NDST4: variants seen among roughly 807,000 people sequenced by gnomAD.
NDST4 encodes the protein N-heparan sulfate sulfotransferase 4.
A neutral mutation model predicts 100.8 loss-of-function variants in NDST4; 63 were observed. The observed-to-expected ratio is 0.62, with a 90% CI of 0.51 to 0.77. NDST4 has a LOEUF of 0.77. Among genes scored for constraint, NDST4 ranks in the 30% least tolerant of loss-of-function variants. The probability of loss-of-function intolerance (pLI) is 0.00; values close to 1 mark genes in which losing one functional copy is unlikely to be tolerated. For missense variants in NDST4, 943 were observed against 1,018.4 expected (o/e 0.93, Z 1.01); for synonymous variants, 377 against 361.8 (o/e 1.04, Z -0.48).
rs186255494 is a variant in NDST4 at position 114,854,395 on chromosome 4, G to A, written c.1720-1574C>T. Reference sequence around the variant, plus strand: ...TTCTCTGTTGATGGATACTTAAGTTGCTTCCAAATCTTGGCTATTGTGAAT... The same window carrying A: ...TTCTCTGTTGATGGATACTTAAGTTACTTCCAAATCTTGGCTATTGTGAAT... On this transcript the variant is annotated intron_variant, in intron 7 of 13. Coordinates refer to ENST00000264363, the MANE Select transcript of NDST4 (RefSeq NM_022569.3). Among the ~76,000 whole-genome samples, 446 of 152,260 alleles carry A rather than the reference G, an allele frequency of 2.9e-3. 3 individuals carry two copies. Among genetic ancestry groups the A allele is most frequent in the Non-Finnish European group, 5.3e-3 (362 of 68,026 alleles).
chr4:114,941,325 T>C (rs914051408), intron 4 of NDST4, among the ~76,000 whole-genome samples: 1 of 152,144 alleles, frequency 6.6e-6, no homozygotes, highest in Non-Finnish European at 1.5e-5. Flanking sequence ...AAGTTGCTTC[T>C]ACTGTGACCC....
chr4:114,919,411 T>A (rs1338437788), intron 6 of NDST4, among the ~76,000 whole-genome samples: 1 of 152,200 alleles, frequency 6.6e-6, no homozygotes, highest in African/African-American at 2.4e-5. Context: ...TCTGAGGAGA[T>A]AACTTTTGAC....
chr4:114,990,095 A>C (rs1727004468), intron 2 of NDST4, among the ~76,000 whole-genome samples: 1 of 152,120 alleles, frequency 6.6e-6, no homozygotes, highest in South Asian at 2.1e-4. Flanking sequence ...TTTTGTTCCA[A>C]TATTTTGAAG....
chr4:114,962,284 A>G (rs1240196610), intron 4 of NDST4, among the ~76,000 whole-genome samples: 3 of 151,078 alleles, frequency 2.0e-5, no homozygotes, highest in African/African-American at 7.3e-5. Context: ...TCTATTCAAC[A>G]TTGTACTGAA....
At chr4:114,925,388 C>T (rs996288851) in intron 6 of NDST4, among the ~76,000 whole-genome samples, 1 of 152,102 alleles carries the variant, frequency 6.6e-6, no homozygotes, top group Non-Finnish European at 1.5e-5. Flanking sequence ...AACAGAATTT[C>T]TCGAAGTTTG....
At chr4:115,105,194 A>C (rs886191101) in intron 1 of NDST4, among the ~76,000 whole-genome samples, 9 of 152,154 alleles carry the variant, frequency 5.9e-5, no homozygotes, top group Non-Finnish European at 1.2e-4. Context: ...TTCTACAAAA[A>C]GGCATCATAA....
chr4:114,838,489 T>TA (rs764329116), intron 11 of NDST4, among the ~76,000 whole-genome samples: 25 of 152,104 alleles, frequency 1.6e-4, no homozygotes, highest in Non-Finnish European at 3.2e-4. Flanking sequence ...TATGCAGCTA[T>TA]AAAAAAGGAT....
chr4:114,886,322 A>G (rs1442177604), intron 6 of NDST4, among the ~76,000 whole-genome samples: 3 of 152,110 alleles, frequency 2.0e-5, no homozygotes, highest in Non-Finnish European at 4.4e-5. Context: ...TCGCTGTCCT[A>G]CTTCTTCATT....
At chr4:115,013,420 A>T (rs1286981077) in intron 2 of NDST4, among the ~76,000 whole-genome samples, 1 of 148,700 alleles carries the variant, frequency 6.7e-6, no homozygotes, top group Non-Finnish European at 1.5e-5. Flanking sequence ...AAACTTAAAA[A>T]CTTATAACAC....
At chr4:115,054,939 C>G (rs1728660772) in intron 2 of NDST4, among the ~76,000 whole-genome samples, 1 of 152,100 alleles carries the variant, frequency 6.6e-6, no homozygotes, top group Non-Finnish European at 1.5e-5. Context: ...AGTCTGTGGC[C>G]TGTTAGCAAC....
At chr4:114,929,368 C>T (rs894305716) in intron 6 of NDST4, among the ~76,000 whole-genome samples, 13 of 152,066 alleles carry the variant, frequency 8.5e-5, no homozygotes, top group African/African-American at 2.9e-4. Flanking sequence ...CAACATTGTT[C>T]CTTAAACAGT....
At chr4:115,031,259 T>C (rs1035342136) in intron 2 of NDST4, among the ~76,000 whole-genome samples, 1 of 152,134 alleles carries the variant, frequency 6.6e-6, no homozygotes, top group Non-Finnish European at 1.5e-5. Context: ...TTGTTTTTAA[T>C]GCCTCCTGCT....
intron 2 of NDST4, among the ~76,000 whole-genome samples, chr4:115,004,169 C>A (rs1046809604): frequency 1.3e-5 from 2 of 151,990 alleles, no homozygotes; most frequent in Non-Finnish European, 2.9e-5. Context: ...GAAAAAATAC[C>A]CAATGATTAA....
chr4:115,048,882 G>C (rs992268127), intron 2 of NDST4, among the ~76,000 whole-genome samples: 1 of 150,462 alleles, frequency 6.6e-6, no homozygotes, highest in Non-Finnish European at 1.5e-5. Context: ...CAAGTAATCT[G>C]CCCTCCTCGG....
intron 1 of NDST4, among the ~76,000 whole-genome samples, chr4:115,113,220 T>C (rs1478518794): frequency 6.6e-6 from 1 of 151,964 alleles, no homozygotes; most frequent in Admixed American, 6.6e-5. Context: ...TATGTACGAC[T>C]GTATTTTCTA....
At chr4:115,079,183 C>T (rs554772) in intron 1 of NDST4, among the ~76,000 whole-genome samples, 23,827 of 151,780 alleles carry the variant, frequency 0.16, 2,267 homozygotes, top group East Asian at 0.45. Flanking sequence ...AACCCCGTCT[C>T]TACTAAAAAA....
chr4:115,065,151 A>AT (rs1263985396), intron 2 of NDST4, among the ~76,000 whole-genome samples: 1 of 151,846 alleles, frequency 6.6e-6, no homozygotes, highest in Non-Finnish European at 1.5e-5. Context: ...GACTTTCCTG[A>AT]TTTTCCCTTT....
intron 2 of NDST4, among the ~76,000 whole-genome samples, chr4:115,025,323 T>G (rs937857138): frequency 1.7e-4 from 26 of 152,198 alleles, no homozygotes; most frequent in African/African-American, 4.8e-5. Flanking sequence ...AGAATATCAG[T>G]GAGTGAGATT....
intron 2 of NDST4, among the ~76,000 whole-genome samples, chr4:115,013,457 C>T (rs1429415346): frequency 6.7e-6 from 1 of 149,756 alleles, no homozygotes; most frequent in African/African-American, 2.4e-5. Flanking sequence ...CCAATCTGCC[C>T]CATAAGGATC....
Sources: allele counts gnomAD v4.1 joint callset (sites outside exome capture counted in the v4.1 genomes callset), GRCh38; gene constraint gnomAD v4.1.1; transcripts MANE v1.5; gene names NCBI Gene and HGNC (gene_info 2026-07-23, HGNC 2026-07-21).